The following SNTG2 variants were observed in gnomAD, a reference collection of about 807,000 sequenced individuals.
SNTG2 encodes gamma-2-syntrophin.
SNTG2 carries 74 observed loss-of-function variants against 70.9 expected under a neutral mutation model. The observed-to-expected ratio is 1.04, with a 90% CI of 0.86 to 1.27. The LOEUF (loss-of-function observed/expected upper bound fraction) is 1.27. Ranked by LOEUF, SNTG2 falls within the 50% of genes most tolerant of loss-of-function variation. The pLI is 0.00. For synonymous variants in SNTG2, 278 were observed against 273.8 expected (o/e 1.02, Z -0.15); for missense variants, 717 against 690.7 (o/e 1.04, Z -0.43).
At chr2:1,331,251 C>T (rs146735149) in intron 16 of SNTG2, among the ~76,000 whole-genome samples, 35 of 152,252 alleles carry the variant, frequency 2.3e-4, no homozygotes, top group African/African-American at 7.2e-4. Context: ...TAGTTTGGAG[C>T]TAATGGAAAT....
At chr2:1,196,310 A>G (rs1267927993) in intron 8 of SNTG2, among the ~76,000 whole-genome samples, 1 of 152,208 alleles carries the variant, frequency 6.6e-6, no homozygotes, top group Non-Finnish European at 1.5e-5. Context: ...GGTCTTCTGA[A>G]ATAACCCAGT....
chr2:1,014,805 TTATAAGGGTG>T (rs1312240008), intron 1 of SNTG2, among the ~76,000 whole-genome samples: 2 of 151,794 alleles, frequency 1.3e-5, no homozygotes, highest in African/African-American at 4.8e-5. Flanking sequence ...GGAGAAGGAT[TTATAAGGGTG>T]GAGAGACATG....
chr2:995,320 T>C (rs894333422), intron 1 of SNTG2, among the ~76,000 whole-genome samples: 4 of 152,116 alleles, frequency 2.6e-5, no homozygotes, highest in African/African-American at 9.7e-5. Flanking sequence ...CTTGAGGTGA[T>C]CATATGATTT....
At chr2:1,058,848 C>A (rs1159925555) in intron 1 of SNTG2, among the ~76,000 whole-genome samples, 1 of 152,220 alleles carries the variant, frequency 6.6e-6, no homozygotes, top group Non-Finnish European at 1.5e-5. Context: ...ATGAACTGAG[C>A]TTCCCTGTGC....
chr2:1,166,360 C>T (rs888788701), intron 7 of SNTG2, among the ~76,000 whole-genome samples: 2 of 152,130 alleles, frequency 1.3e-5, no homozygotes, highest in Non-Finnish European at 2.9e-5. Context: ...CCCGCTGAGC[C>T]GACAGTCGGG....
intron 2 of SNTG2, among the ~76,000 whole-genome samples, chr2:1,089,028 A>C (rs1245957401): frequency 1.3e-5 from 2 of 152,246 alleles, no homozygotes; most frequent in African/African-American, 2.4e-5. Flanking sequence ...TTTCACAGGT[A>C]CGGGGCTGAA....
At chr2:1,193,969 A>G (rs1311291918) in intron 8 of SNTG2, among the ~76,000 whole-genome samples, 1 of 152,162 alleles carries the variant, frequency 6.6e-6, no homozygotes, top group East Asian at 1.9e-4. Context: ...GCTCTGTCGG[A>G]CCTTCATCTC....
chr2:1,290,967 A>T (rs1263203904), intron 14 of SNTG2, among the ~76,000 whole-genome samples: 1 of 152,198 alleles, frequency 6.6e-6, no homozygotes, highest in Non-Finnish European at 1.5e-5. Flanking sequence ...ATAGTACACA[A>T]GGGTTCTAAT....
chr2:1,209,150 G>A lies in SNTG2; in HGVS notation c.639G>A (p.Glu213=). 1 of 1,613,990 alleles carries A rather than the reference G, an allele frequency of 6.2e-7. No homozygotes were observed. The change falls in exon 9 of 17, where the codon GAG becomes GAA. Residue 213 remains glutamate, a synonymous_variant. Coordinates refer to ENST00000308624, the MANE Select transcript of SNTG2 (RefSeq NM_018968.4). ...CCATAGCTAAGGACCCGAGGTATGA[G>A]AAGCGCTGGCTGGACACCTTGTCCG... is the stretch of plus-strand genomic sequence containing the variant. ...SSPIAKDPRY[E]KRWLDTLSVP... is the part of the protein sequence containing the mutation.
At chr2:1,339,228 G>A (rs571382235) in intron 16 of SNTG2, among the ~76,000 whole-genome samples, 1 of 152,236 alleles carries the variant, frequency 6.6e-6, no homozygotes, top group Non-Finnish European at 1.5e-5. Flanking sequence ...TTTTGATGTT[G>A]ATGTGTAGGA....
At chr2:1,293,661 C>G (rs1680080658) in intron 14 of SNTG2, among the ~76,000 whole-genome samples, 1 of 152,040 alleles carries the variant, frequency 6.6e-6, no homozygotes, top group South Asian at 2.1e-4. Context: ...TTTTCATTTT[C>G]CTTCTGCTGT....
intron 14 of SNTG2, among the ~76,000 whole-genome samples, chr2:1,285,921 T>G (rs1679745605): frequency 1.3e-5 from 2 of 152,220 alleles, no homozygotes; most frequent in South Asian, 4.1e-4. Flanking sequence ...AAGAAATGCC[T>G]GAATGGAGCT....
chr2:1,238,433 A>T (rs1676828620), intron 10 of SNTG2, among the ~76,000 whole-genome samples: 1 of 152,254 alleles, frequency 6.6e-6, no homozygotes, highest in Admixed American at 6.5e-5. Flanking sequence ...AACATTATGA[A>T]GATTTAGAAA....
chr2:1,262,599 A>C (rs1678471023), intron 13 of SNTG2, among the ~76,000 whole-genome samples: 2 of 134,130 alleles, frequency 1.5e-5, no homozygotes, highest in Non-Finnish European at 3.4e-5. Flanking sequence ...CCAGACGAGG[A>C]AACCCAAAGG....
At chr2:1,166,740 C>A (rs116783937) in intron 7 of SNTG2, among the ~76,000 whole-genome samples, 1,916 of 152,296 alleles carry the variant, frequency 0.013, 42 homozygotes, top group African/African-American at 0.042. Flanking sequence ...ACCACCCTGG[C>A]CTACCACGCC....
intron 1 of SNTG2, among the ~76,000 whole-genome samples, chr2:1,042,875 T>C (rs903019808): frequency 6.6e-6 from 1 of 152,188 alleles, no homozygotes; most frequent in Non-Finnish European, 1.5e-5. Flanking sequence ...CATTCCCTTG[T>C]GTATATACCT....
chr2:1,160,543 G>A (rs1022922576), intron 6 of SNTG2: 1 of 152,234 alleles, frequency 6.6e-6, no homozygotes, highest in Non-Finnish European at 1.5e-5. Flanking sequence ...AAACTGCACT[G>A]ATGTCACCAA....
chr2:1,279,135 C>A (rs36046885), intron 14 of SNTG2, among the ~76,000 whole-genome samples: 34,911 of 151,358 alleles, frequency 0.23, 4,780 homozygotes, highest in East Asian at 0.49. Flanking sequence ...CGTCAGTGCG[C>A]GAATCACCCC....
chr2:1,006,862 T>A (rs1457690276), intron 1 of SNTG2, among the ~76,000 whole-genome samples: 1 of 151,944 alleles, frequency 6.6e-6, no homozygotes, highest in Non-Finnish European at 1.5e-5. Flanking sequence ...AAACACCCTT[T>A]CTACTAAAAG....
Sources: allele counts gnomAD v4.1 joint callset (sites outside exome capture counted in the v4.1 genomes callset), GRCh38; gene constraint gnomAD v4.1.1; transcripts MANE v1.5; gene names NCBI Gene and HGNC (gene_info 2026-07-23, HGNC 2026-07-21).